The following CRYBG1 variants were observed in gnomAD, a reference collection of about 807,000 sequenced individuals.
The protein encoded by CRYBG1 is beta/gamma crystallin domain-containing protein 1.
A neutral mutation model predicts 189.2 loss-of-function variants in CRYBG1; 139 were observed. That is an observed-to-expected ratio of 0.73 (90% CI 0.64 to 0.85). CRYBG1 has a LOEUF of 0.85. CRYBG1 is among the 40% of genes least tolerant of loss of function. The pLI is 0.00. For missense variants in CRYBG1, 2,611 were observed against 2,675.8 expected, an observed-to-expected ratio of 0.98 and a Z score of 0.53; for synonymous variants, 1,023 against 1,017.1, an observed-to-expected ratio of 1.01 and a Z score of -0.11.
intron 1 of CRYBG1, among the ~76,000 whole-genome samples, chr6:106,425,211 C>T (rs1200367957): frequency 6.6e-6 from 1 of 152,138 alleles, no homozygotes; most frequent in Non-Finnish European, 1.5e-5. Context: ...CTGAGTGCTG[C>T]CCCTCATTCA....
At chr6:106,468,055 A>T (rs967155769) in intron 2 of CRYBG1, among the ~76,000 whole-genome samples, 1 of 152,214 alleles carries the variant, frequency 6.6e-6, no homozygotes, top group African/African-American at 2.4e-5. Flanking sequence ...AAATGGTGAG[A>T]GTGGAATACA....
chr6:106,527,213 T>C, intron 6 of CRYBG1, 92 bp from the exon 7 acceptor site: 1 of 1,017,110 alleles, frequency 9.8e-7, no homozygotes, highest in Non-Finnish European at 1.4e-6. Flanking sequence ...ATTCTATATA[T>C]ATATATAAAA....
At chr6:106,476,619 G>T (rs1423708402) in intron 2 of CRYBG1, among the ~76,000 whole-genome samples, 3 of 152,048 alleles carry the variant, frequency 2.0e-5, no homozygotes, top group Admixed American at 2.0e-4. Flanking sequence ...TTTGTATCAA[G>T]GTTATTCGGT....
intron 9 of CRYBG1, chr6:106,541,170 C>G (rs1289318856): frequency 4.3e-6 from 2 of 465,946 alleles, no homozygotes; most frequent in East Asian, 6.9e-5. Flanking sequence ...AGACGGCAAC[C>G]CCGGGCCTGT....
chr6:106,458,472 A>T (rs1771934825), intron 2 of CRYBG1, among the ~76,000 whole-genome samples: 1 of 152,146 alleles, frequency 6.6e-6, no homozygotes, highest in Non-Finnish European at 1.5e-5. Flanking sequence ...TGAACTCAGT[A>T]CTTATTGTAC....
chr6:106,426,816 A>G (rs1457569298), intron 1 of CRYBG1, among the ~76,000 whole-genome samples: 1 of 152,206 alleles, frequency 6.6e-6, no homozygotes, highest in Non-Finnish European at 1.5e-5. Flanking sequence ...GCAGAGAGAG[A>G]AGAGGGACTA....
chr6:106,483,946 C>A (rs1772538424), intron 2 of CRYBG1, among the ~76,000 whole-genome samples: 1 of 152,148 alleles, frequency 6.6e-6, no homozygotes, highest in Admixed American at 6.5e-5. Context: ...AAAGCATTTC[C>A]TCTACATTTT....
chr6:106,399,388 C>CAAAACTTTCTACAGCAAAAAGATT, intron 1 of CRYBG1, among the ~76,000 whole-genome samples: 2 of 152,316 alleles, frequency 1.3e-5, no homozygotes, highest in Middle Eastern at 6.8e-3. Context: ...AAAGATAACT[C>CAAAACTTTCTACAGCAAAAAGATT]ACTACTTTAT....
intron 8 of CRYBG1, among the ~76,000 whole-genome samples, chr6:106,538,159 T>C (rs3814076): frequency 0.28 from 42,968 of 151,970 alleles, 6,300 homozygotes; most frequent in South Asian, 0.37. Flanking sequence ...AGTCTATGTT[T>C]GTTTATGAAG....
intron 1 of CRYBG1, among the ~76,000 whole-genome samples, chr6:106,385,583 A>G (rs767413153): frequency 3.4e-4 from 52 of 152,240 alleles, no homozygotes; most frequent in Admixed American, 1.8e-3. Flanking sequence ...AACAGTGCAC[A>G]TAACATCTTC....
intron 2 of CRYBG1, among the ~76,000 whole-genome samples, chr6:106,500,017 G>A (rs1772967118): frequency 6.6e-6 from 1 of 152,168 alleles, no homozygotes; most frequent in African/African-American, 2.4e-5. Flanking sequence ...TTTTAAGGCT[G>A]AATTATAGTC....
intron 3 of CRYBG1, among the ~76,000 whole-genome samples, chr6:106,513,462 A>G (rs1562097278): frequency 6.6e-6 from 1 of 152,264 alleles, no homozygotes; most frequent in East Asian, 1.9e-4. Flanking sequence ...AATACGATCC[A>G]GTAGCTTTGA....
At chr6:106,402,044 A>ACTCATGGGATTGCTTCATG (rs1397285411) in intron 1 of CRYBG1, among the ~76,000 whole-genome samples, 1 of 135,066 alleles carries the variant, frequency 7.4e-6, no homozygotes, top group Non-Finnish European at 1.6e-5. Flanking sequence ...ACTCCCATTC[A>ACTCATGGGATTGCTTCATG]CAATTGCTTC....
intron 1 of CRYBG1, among the ~76,000 whole-genome samples, chr6:106,370,725 T>C (rs900135106): frequency 6.6e-6 from 1 of 152,182 alleles, no homozygotes; most frequent in Non-Finnish European, 1.5e-5. Context: ...TCAGATTTTC[T>C]GATTTTTTCT....
intron 6 of CRYBG1, among the ~76,000 whole-genome samples, chr6:106,525,765 A>T (rs1773726205): frequency 6.6e-6 from 1 of 152,210 alleles, no homozygotes; most frequent in South Asian, 2.1e-4. Context: ...ACGACTTTTC[A>T]AAAACCTATA....
chr6:106,520,141 G>A lies in CRYBG1; in HGVS notation c.2933G>A (p.Ser978Asn), dbSNP rs772780783. The A allele has an allele frequency of 6.2e-7, 1 of 1,613,988 alleles. No individual in the cohort carries two copies. Among genetic ancestry groups the A allele is most frequent in the Non-Finnish European group, 8.5e-7 (1 of 1,180,030 alleles). ...GTGAGCTCCCAGGTCATCCCAGAGA[G>A]CTCTGAAGTTAGAGAAGTGCAGTTG... ...QDVSSQVIPE[S>N]SEVREVQLPT... Residue 978 changes from serine to asparagine, a missense_variant, in exon 4 of 22, where the codon AGC becomes AAC. Ser to Asn is a conservative substitution (Grantham distance 46). This residue lies in a region of CRYBG1 where 1,622 missense variants were observed against 1,735.0 expected (regional missense o/e 0.93). Transcript: ENST00000633556.
intron 1 of CRYBG1, among the ~76,000 whole-genome samples, chr6:106,404,730 G>A (rs563473984): frequency 3.7e-4 from 57 of 152,154 alleles, no homozygotes; most frequent in African/African-American, 1.3e-3. Context: ...GCCCACCGAG[G>A]GTGAGCAGAA....
intron 1 of CRYBG1, among the ~76,000 whole-genome samples, chr6:106,419,663 C>T (rs979677740): frequency 3.3e-4 from 51 of 152,328 alleles, no homozygotes; most frequent in Non-Finnish European, 2.1e-4. Flanking sequence ...GGATTACAGG[C>T]GTGAGCCACC....
intron 1 of CRYBG1, among the ~76,000 whole-genome samples, chr6:106,382,069 C>G (rs947096001): frequency 1.3e-5 from 2 of 152,190 alleles, no homozygotes; most frequent in Non-Finnish European, 2.9e-5. Context: ...AGTTTCCTGT[C>G]TACCTCTAAA....
Sources: gnomAD v4.1 joint callset for allele counts (sites outside exome capture counted in the v4.1 genomes callset) on GRCh38, gnomAD v4.1.1 for gene constraint, gnomAD v4.1.1 regional missense constraint, MANE v1.5 for transcripts, NCBI Gene and HGNC (gene_info 2026-07-23, HGNC 2026-07-21) for gene names.